CDK10: variants seen among roughly 807,000 people sequenced by gnomAD.
CDK10 encodes cyclin-dependent kinase 10.
Under a neutral mutation model 51.0 loss-of-function variants are expected in CDK10, and 55 were observed. The observed-to-expected ratio is 1.08, with a 90% CI of 0.87 to 1.35. CDK10 has a LOEUF of 1.35. Ranked by LOEUF, CDK10 falls within the 40% of genes most tolerant of loss-of-function variation. The probability of loss-of-function intolerance (pLI) is 0.00; values close to 1 mark genes in which losing one functional copy is unlikely to be tolerated. For missense variants in CDK10, 589 were observed against 485.1 expected (o/e 1.21, Z -2.01); for synonymous variants, 255 against 199.1 (o/e 1.28, Z -2.36).
intron 8 of CDK10, 148 bp downstream of exon 8, chr16:89,693,615 G>T (rs947748214): frequency 2.1e-5 from 16 of 763,824 alleles, no homozygotes; most frequent in Non-Finnish European, 2.8e-5. Flanking sequence ...GTCTAGGACA[G>T]CCTCCAGGAC....
At chr16:89,689,422 C>G (rs1346009210) in intron 2 of CDK10, 98 bp downstream of exon 2, 9 of 1,003,822 alleles carry the variant, frequency 9.0e-6, no homozygotes, top group Admixed American at 1.8e-5. Flanking sequence ...CTGGAAGGGA[C>G]TCAGACCCTG....
At chr16:89,688,351 G>A (rs942428643) in intron 1 of CDK10, among the ~76,000 whole-genome samples, 2 of 152,074 alleles carry the variant, frequency 1.3e-5, no homozygotes, top group Admixed American at 6.6e-5. Flanking sequence ...TAAAGTGCTG[G>A]GATTACAGGC....
At chr16:89,693,839 A>G in intron 8 of CDK10, 1 of 550,326 alleles carries the variant, frequency 1.8e-6, no homozygotes, top group Non-Finnish European at 3.3e-6. Flanking sequence ...GGTCATGCTT[A>G]GCCAGGGCTG....
intron 1 of CDK10, among the ~76,000 whole-genome samples, chr16:89,688,009 A>G (rs17784285): frequency 0.12 from 18,559 of 148,716 alleles, 1,513 homozygotes; most frequent in East Asian, 0.3. Context: ...CCCAGGTTTG[A>G]TACTGAGGGT....
intron 6 of CDK10, chr16:89,692,794 TA>T: frequency 3.5e-6 from 1 of 284,994 alleles, no homozygotes; most frequent in South Asian, 8.3e-5. Context: ...CTCCGATTTT[TA>T]AAAGGTCCAA....
chr16:89,693,333 G>A lies in CDK10; in HGVS notation c.538+7G>A. Reference sequence around the variant, plus strand: ...AAGGGTTGTGTGAAGACAGGTGGGTGCAACTTGGGCCAGGCCCTGTCCCTA... The same window carrying A: ...AAGGGTTGTGTGAAGACAGGTGGGTACAACTTGGGCCAGGCCCTGTCCCTA... On this transcript the variant is annotated splice_region_variant and intron_variant, in intron 7 of 12. Transcript: ENST00000353379. 1 of 1,614,072 alleles carries A rather than the reference G, an allele frequency of 6.2e-7. No individual in the cohort carries two copies. Among genetic ancestry groups the A allele is most frequent in the African/African-American group, 1.3e-5 (1 of 75,026 alleles).
chr16:89,694,532 C>A (rs1312576910), intron 9 of CDK10, 133 bp from the exon 10 acceptor site: 1 of 1,478,702 alleles, frequency 6.8e-7, no homozygotes, highest in Non-Finnish European at 9.1e-7. Flanking sequence ...GCCTGTCCTT[C>A]ACAGTGTCCC....
chr16:89,693,268 T>C lies in CDK10; in HGVS notation c.486-6T>C. ...GGAGCCACCTGCCACTGTTTTTCCA[T>C]CACAGGGACCTGAAGGTTTCCAACT... On this transcript the variant is annotated splice_polypyrimidine_tract_variant and splice_region_variant and intron_variant, in intron 6 of 12. Transcript: ENST00000353379. The C allele has an allele frequency of 1.9e-6, 3 of 1,614,050 alleles. No individual in the cohort carries two copies. Among genetic ancestry groups the C allele is most frequent in the Non-Finnish European group, 2.5e-6 (3 of 1,179,992 alleles).
chr16:89,691,012 A>G (rs1301190211), intron 3 of CDK10, among the ~76,000 whole-genome samples: 4 of 152,194 alleles, frequency 2.6e-5, no homozygotes, highest in Non-Finnish European at 4.4e-5. Flanking sequence ...TGGGCCGGGC[A>G]TGGTGGCTCA....
At chr16:89,692,626 C>A in intron 6 of CDK10, 110 bp downstream of exon 6, 1 of 676,102 alleles carries the variant, frequency 1.5e-6, no homozygotes, top group South Asian at 2.4e-5. Context: ...GCAGCCTGCC[C>A]GCTGCTCGCA....
chr16:89,693,226 G>C (rs750721515), intron 6 of CDK10, 48 bp from the exon 7 acceptor site: 1 of 1,587,418 alleles, frequency 6.3e-7, no homozygotes, highest in East Asian at 2.2e-5. Context: ...GGAGCTCTCA[G>C]CCCCTGTGGC....
At chr16:89,695,234 G>C (rs1438447081) in intron 11 of CDK10, 59 bp from the exon 12 acceptor site, 1 of 1,566,210 alleles carries the variant, frequency 6.4e-7, no homozygotes, top group Non-Finnish European at 8.7e-7. Context: ...CTGCTCAGCT[G>C]GGTGGGAGGT....
chr16:89,688,196 C>G (rs539184915), intron 1 of CDK10, among the ~76,000 whole-genome samples: 1 of 151,236 alleles, frequency 6.6e-6, no homozygotes, highest in Non-Finnish European at 1.5e-5. Flanking sequence ...ATCCTCCTGC[C>G]TCAGCCTCCC....
chr16:89,695,965 C>T lies in CDK10; in HGVS notation c.*273C>T. ...GTGGCTGCAGGGGTCTCATGTGGTC[C>T]TCCTCGCTATGTTGGAAATGTGCAA... On this transcript the variant is annotated 3_prime_UTR_variant, in exon 13 of 13. Transcript: ENST00000353379. The T allele has an allele frequency of 3.2e-6, 2 of 628,220 alleles. No individual in the cohort carries two copies. The highest frequency in any genetic ancestry group is 5.6e-6 in the Non-Finnish European group (2 of 355,430). The allele number at this position is 628,220 out of a possible 1,614,324, so 38.9% of individuals were successfully genotyped here. A position where few individuals can be genotyped will look rare whatever the true frequency, so the allele number is the denominator to read the frequency against.
At chr16:89,694,589 C>T (rs1404888445) in intron 9 of CDK10, 76 bp from the exon 10 acceptor site, 6 of 1,542,616 alleles carry the variant, frequency 3.9e-6, no homozygotes. Context: ...GGTCTGGCTG[C>T]AGTCAGGTCC....
rs770575418 is a variant in CDK10, at chr16:89,694,725, C to G, written c.729C>G (p.Ser243=). 3 of 1,581,612 alleles carry G rather than the reference C, an allele frequency of 1.9e-6. No homozygotes were observed. Among genetic ancestry groups the G allele is most frequent in the Admixed American group, 1.8e-5 (1 of 55,612 alleles). Residue 243 remains serine (S), a synonymous_variant, in exon 10 of 13, where the codon TCC becomes TCG. Coordinates refer to ENST00000353379, the MANE Select transcript of CDK10 (RefSeq NM_052988.5). ...LAHRPLLPGT[S]EIHQIDLIVQ... ...ACAGGCCTCTTCTCCCCGGCACTTCCGAGATCCACCAGATCGACTTGATCG... is the reference window on the plus strand; with the variant it reads ...ACAGGCCTCTTCTCCCCGGCACTTCGGAGATCCACCAGATCGACTTGATCG...
chr16:89,687,009 C>T (rs2060221017), intron 1 of CDK10: 2 of 486,660 alleles, frequency 4.1e-6, no homozygotes, highest in Non-Finnish European at 7.2e-6. Flanking sequence ...GGGGCCGGGG[C>T]GGGCTCAGGG....
At chr16:89,693,901 C>T in intron 8 of CDK10, 1 of 586,408 alleles carries the variant, frequency 1.7e-6, no homozygotes, top group Non-Finnish European at 3.0e-6. Context: ...GTGTACTCCC[C>T]ATCTGAGAAC....
In CDK10 at chr16:89,691,771, G is replaced by T. The variant is rs1417410938; in HGVS notation, c.336-35G>T. On this transcript the variant is annotated intron_variant, in intron 4 of 12. Coordinates refer to ENST00000353379, the MANE Select transcript of CDK10 (RefSeq NM_052988.5). ...CTCCACTTCCACCCCTTAGGAGAAG[G>T]CCGGAGAGTGGCATGCATCTTCTGT... 3 of 1,596,296 alleles carry T rather than the reference G, an allele frequency of 1.9e-6. No individual in the cohort carries two copies. In the African/African-American group the frequency reaches 4.0e-5, roughly 21 times the overall value.
Sources: allele counts gnomAD v4.1 joint callset (sites outside exome capture counted in the v4.1 genomes callset), GRCh38; gene constraint gnomAD v4.1.1; transcripts MANE v1.5; gene names NCBI Gene and HGNC (gene_info 2026-07-23, HGNC 2026-07-21).